PCDH11X: variants seen among roughly 807,000 people sequenced by gnomAD.
PCDH11X encodes the protein protocadherin-11 X-linked.
A neutral mutation model predicts 53.3 loss-of-function variants in PCDH11X; 18 were observed. The observed-to-expected ratio is 0.34, with a 90% CI of 0.23 to 0.50. PCDH11X has a LOEUF of 0.50. Ranked by LOEUF, PCDH11X falls within the 20% of genes least tolerant of loss-of-function variation. The probability of loss-of-function intolerance (pLI) is 0.98; values close to 1 mark genes in which losing one functional copy is unlikely to be tolerated. For synonymous variants in PCDH11X, 279 were observed against 393.3 expected (o/e 0.71, Z 3.44); for missense variants, 570 against 1,032.4 (o/e 0.55, Z 6.14).
At chrX:92,449,597 A>T (rs2072736775) in intron 9 of PCDH11X, among the ~76,000 whole-genome samples, 1 of 112,041 alleles carries the variant, frequency 8.9e-6, no homozygotes, top group African/African-American at 3.2e-5. Flanking sequence ...CAAATTTCAC[A>T]AAAAAATAAT....
chrX:92,460,840 A>G, intron 9 of PCDH11X: 3 of 1,057,118 alleles, frequency 2.8e-6, no homozygotes, highest in Non-Finnish European at 3.9e-6. Context: ...ACTCTTGGTG[A>G]TGCCTTGGAC....
chrX:92,212,006 CTTTT>C (rs56939635), intron 7 of PCDH11X, among the ~76,000 whole-genome samples: 15 of 64,579 alleles, frequency 2.3e-4, no homozygotes, highest in Middle Eastern at 0.017. Flanking sequence ...ACTTGCAATG[CTTTT>C]TTTTTTTTTT....
intron 1 of PCDH11X, among the ~76,000 whole-genome samples, chrX:91,805,416 A>G (rs1936065697): frequency 8.9e-6 from 1 of 111,897 alleles, no homozygotes; most frequent in South Asian, 3.7e-4. Context: ...TTGTAGTAAC[A>G]TATCAAAAAG....
chrX:92,301,270 A>G (rs1321777405), intron 8 of PCDH11X, among the ~76,000 whole-genome samples: 1 of 107,147 alleles, frequency 9.3e-6, no homozygotes, highest in African/African-American at 3.4e-5. Flanking sequence ...CAGGGTGGGG[A>G]CCCAGGAGAG....
chrX:92,528,280 G>GTTGT (rs2074492716), intron 10 of PCDH11X, among the ~76,000 whole-genome samples: 1 of 111,892 alleles, frequency 8.9e-6, no homozygotes, highest in Non-Finnish European at 1.9e-5. Flanking sequence ...TGAGTCCTAA[G>GTTGT]TTGTTTTATT....
chrX:92,017,411 A>T (rs1317732109), intron 6 of PCDH11X, among the ~76,000 whole-genome samples: 1 of 109,150 alleles, frequency 9.2e-6, no homozygotes, highest in African/African-American at 3.3e-5. Flanking sequence ...AAGAGATATA[A>T]TAGTAGGTGG....
chrX:92,589,148 A>G (rs1387871688), intron 10 of PCDH11X, among the ~76,000 whole-genome samples: 4 of 111,878 alleles, frequency 3.6e-5, no homozygotes, highest in Non-Finnish European at 7.5e-5. Flanking sequence ...TTGTAAACAA[A>G]CAGAAGCTGA....
At position 91,879,000 on chromosome X, in the gene PCDH11X, T is replaced by A; in HGVS notation, c.2760T>A (p.Asn920Lys). 4.1e-6 allele frequency: 5 copies of A among 1,211,372 alleles called. No homozygotes were observed. Among genetic ancestry groups the A allele is most frequent in the Non-Finnish European group, 5.6e-6 (5 of 895,379 alleles). Residue 920 changes from asparagine (N) to lysine (K), a missense_variant, in exon 6 of 11, where the codon AAT (asparagine) becomes AAA (lysine). Physicochemically the swap from Asn to Lys is moderately conservative, Grantham distance 94 (BLOSUM62 0). Around this residue, in one of 6 missense-constraint regions of PCDH11X, gnomAD observed 226 missense variants for 457.5 expected, o/e 0.49. Transcript: ENST00000682573. Reference sequence around the variant, plus strand: ...AAGAGCAAACAATGGGAAAGTACAATTGGGTAACTACACCTACTACTTTCA... The same window carrying A: ...AAGAGCAAACAATGGGAAAGTACAAATGGGTAACTACACCTACTACTTTCA... ...DLEEQTMGKYNWVTTPTTFKP... is the reference protein window; with the variant it reads ...DLEEQTMGKYKWVTTPTTFKP...
In PCDH11X at chrX:92,454,222, AT is replaced by A. The variant is rs2072863568; in HGVS notation, c.3344-14076del. On this transcript the variant is annotated intron_variant, in intron 9 of 10. Transcript: ENST00000682573. Reference sequence around the variant, plus strand: ...GTAGTGTATATATACATATTTATATATAATCAGTATATATAGATATTATATA... The same window carrying A: ...GTAGTGTATATATACATATTTATATAAATCAGTATATATAGATATTATATA... 2.8e-5 allele frequency among the ~76,000 whole-genome samples: 3 copies of A among 105,505 alleles called. No homozygotes were observed. The South Asian group carries it at 1.2e-3, about 42-fold the overall frequency. 91.6% of individuals were successfully genotyped at this position (105,505 alleles called of 115,157 possible). A position where few individuals can be genotyped will look rare whatever the true frequency, so the allele number is the denominator to read the frequency against.
intron 1 of PCDH11X, among the ~76,000 whole-genome samples, chrX:91,791,986 C>A (rs1330172553): frequency 9.2e-6 from 1 of 108,202 alleles, no homozygotes; most frequent in Admixed American, 9.9e-5. Context: ...CTCAGCCTCC[C>A]GAGTAGCTGG....
intron 7 of PCDH11X, among the ~76,000 whole-genome samples, chrX:92,246,337 T>C (rs2067349914): frequency 9.0e-6 from 1 of 110,513 alleles, no homozygotes; most frequent in Non-Finnish European, 1.9e-5. Context: ...GTGAAAAGAT[T>C]TTTTTTTTAC....
chrX:91,982,460 C>G (rs1340555653), intron 6 of PCDH11X, among the ~76,000 whole-genome samples: 1 of 108,801 alleles, frequency 9.2e-6, no homozygotes. Flanking sequence ...ACTGAAAGGG[C>G]CTTTTTTGGA....
chrX:91,909,222 T>C (rs1941294093), intron 6 of PCDH11X, among the ~76,000 whole-genome samples: 1 of 111,719 alleles, frequency 9.0e-6, no homozygotes, highest in Admixed American at 9.5e-5. Flanking sequence ...CAACATACTT[T>C]ATTGGAAAAA....
At chrX:92,454,038 C>T (rs892650880) in intron 9 of PCDH11X, among the ~76,000 whole-genome samples, 16 of 101,223 alleles carry the variant, frequency 1.6e-4, no homozygotes, top group South Asian at 4.8e-4. Context: ...TAAAAAGTGG[C>T]TCACAGAAGT....
rs375701172 is a variant in PCDH11X at position 92,455,280 on chromosome X, G to T, written c.3344-13019G>T. Among the ~76,000 whole-genome samples, 4 of 98,490 alleles carry T rather than the reference G, an allele frequency of 4.1e-5. No individual in the cohort carries two copies. The East Asian group carries it at 9.9e-4, about 24-fold the overall frequency. The allele number at this position is 98,490 out of a possible 115,157, so 85.5% of individuals were successfully genotyped here. On this transcript the variant is annotated intron_variant, in intron 9 of 10. Transcript: ENST00000682573. ...ATTTTAGCTAAAGGGCCAAGTGATA[G>T]CTGGGAACATTATGTGCCCATTCCT...
chrX:92,375,158 A>ATTTTTT, intron 8 of PCDH11X, among the ~76,000 whole-genome samples: 1 of 11,139 alleles, frequency 9.0e-5, no homozygotes, highest in Non-Finnish European at 2.2e-4. Context: ...ATATATATAT[A>ATTTTTT]TATATATATT....
intron 8 of PCDH11X, among the ~76,000 whole-genome samples, chrX:92,320,817 C>T (rs758828073): frequency 1.8e-5 from 2 of 111,226 alleles, no homozygotes; most frequent in Admixed American, 9.6e-5. Context: ...GGGGTAGGAG[C>T]GTTATGCTGA....
chrX:92,558,905 GT>G (rs1195409710), intron 10 of PCDH11X, among the ~76,000 whole-genome samples: 2 of 109,560 alleles, frequency 1.8e-5, no homozygotes, highest in Non-Finnish European at 3.8e-5. Flanking sequence ...TCTTTGCTAG[GT>G]TTTAAAATTT....
chrX:91,930,902 A>T (rs1397443552), intron 6 of PCDH11X, among the ~76,000 whole-genome samples: 1 of 107,056 alleles, frequency 9.3e-6, no homozygotes, highest in South Asian at 4.2e-4. Context: ...TTGAAATCTA[A>T]GCATAAAATA....
Sources: allele counts gnomAD v4.1 joint callset (sites outside exome capture counted in the v4.1 genomes callset), GRCh38; gene constraint gnomAD v4.1.1; regional missense constraint gnomAD v4.1.1; transcripts MANE v1.5; gene names NCBI Gene and HGNC (gene_info 2026-07-23, HGNC 2026-07-21).